The following AMPD1 variants were observed in gnomAD, a reference collection of about 807,000 sequenced individuals.
The protein encoded by AMPD1 is AMP deaminase 1.
Under a neutral mutation model 82.9 loss-of-function variants are expected in AMPD1, and 74 were observed. The ratio of observed to expected loss-of-function variants is 0.89; its 90% CI spans 0.74 to 1.08. The LOEUF (loss-of-function observed/expected upper bound fraction) is 1.08, where lower values mean the gene tolerates loss of function less well. AMPD1 is among the 50% of genes least tolerant of loss of function. The pLI is 0.00. For synonymous variants in AMPD1, 333 were observed against 320.5 expected (o/e 1.04, Z -0.42); for missense variants, 881 against 924.5 (o/e 0.95, Z 0.61).
chr1:114,686,666 GAGA>G, intron 4 of AMPD1, 76 bp downstream of exon 4: 2 of 1,497,766 alleles, frequency 1.3e-6, no homozygotes, highest in Non-Finnish European at 1.9e-6. Context: ...CAACAGGAAA[GAGA>G]AGAAGGCAAG....
chr1:114,676,018 G>A lies in AMPD1; in HGVS notation c.1389-15C>T, dbSNP rs1212959384. 1 of 1,613,462 alleles carries A rather than the reference G, an allele frequency of 6.2e-7. No individual in the cohort carries two copies. Among genetic ancestry groups the A allele is most frequent in the South Asian group, 1.1e-5 (1 of 91,036 alleles). On this transcript the variant is annotated splice_polypyrimidine_tract_variant and intron_variant, in intron 10 of 15. Transcript: ENST00000520113. ...GGAACACATCACTAGAGGCAAGAAT[G>A]AAGAGAATTTAGGAGAAAAAAAGAT...
intron 9 of AMPD1, 136 bp from the exon 10 acceptor site, chr1:114,677,650 A>T: frequency 8.0e-7 from 1 of 1,257,086 alleles, no homozygotes; most frequent in East Asian, 2.5e-5. Flanking sequence ...TCAAAACCAC[A>T]CCCTTAATTT....
In AMPD1 at chr1:114,680,583, G is replaced by C. The variant is rs551978172; in HGVS notation, c.548-105C>G. 3.2e-6 allele frequency: 3 copies of C among 943,656 alleles called. No individual in the cohort carries two copies. The African/African-American group carries it at 4.9e-5, about 15-fold the overall frequency. The allele number at this position is 943,656 out of a possible 1,614,324, so 58.5% of individuals were successfully genotyped here. On this transcript the variant is annotated intron_variant, in intron 5 of 15. Transcript: ENST00000520113. ...ACAACATCTCATTAGCTTGGAATCC[G>C]GTACTTAAGTTGTAATTATCTGGAA...
rs189523160 is a variant in AMPD1, at chr1:114,689,821, A to T, written c.35-1080T>A. On this transcript the variant is annotated intron_variant, in intron 2 of 15. Transcript: ENST00000520113. ...GACAGAGCAAAACTCTATCTCAAAAAAGAAAAGAAAACCAGTGTCATCATA... is the reference window on the plus strand; with the variant it reads ...GACAGAGCAAAACTCTATCTCAAAATAGAAAAGAAAACCAGTGTCATCATA... 1.3e-3 allele frequency among the ~76,000 whole-genome samples: 194 copies of T among 152,294 alleles called. 1 individual carries two copies. Among genetic ancestry groups the T allele is most frequent in the African/African-American group, 4.5e-3 (188 of 41,574 alleles).
rs1156760290 is a variant in AMPD1, at chr1:114,675,647, T to C, written c.1562A>G (p.His521Arg). The C allele has an allele frequency of 3.7e-6, 6 of 1,614,110 alleles. No homozygotes were observed. Among genetic ancestry groups the C allele is most frequent in the Middle Eastern group, 1.6e-4 (1 of 6,084 alleles). Residue 521 changes from histidine (H) to arginine (R), a missense_variant, in exon 12 of 16, where the codon CAC becomes CGC. Physicochemically the swap from His to Arg is conservative, Grantham distance 29. Coordinates refer to ENST00000520113, the MANE Select transcript of AMPD1 (RefSeq NM_000036.3). ...CTTGGGACTCTTGGAGGAGAACATG[T>C]GGCCACTGTGTTTGGACTCATCATC... ...SVDDESKHSG[H>R]MFSSKSPKPQ... is the part of the protein sequence containing the mutation.
At chr1:114,692,959 C>T (rs1658557908) in intron 2 of AMPD1, among the ~76,000 whole-genome samples, 1 of 151,040 alleles carries the variant, frequency 6.6e-6, no homozygotes, top group Non-Finnish European at 1.5e-5. Context: ...ATGGTGAAAC[C>T]CTGTCTCTAC....
At chr1:114,674,167 A>C in intron 13 of AMPD1, 85 bp from the exon 14 acceptor site, 1 of 1,297,364 alleles carries the variant, frequency 7.7e-7, no homozygotes, top group East Asian at 2.5e-5. Context: ...GTCTGCCTTA[A>C]GCTTCAGCTT....
intron 8 of AMPD1, 73 bp downstream of exon 8, chr1:114,678,260 G>T: frequency 1.3e-6 from 2 of 1,557,188 alleles, no homozygotes; most frequent in Non-Finnish European, 1.8e-6. Context: ...CTCTGAGAAG[G>T]GAGGGCTTGT....
chr1:114,678,594 A>T, intron 7 of AMPD1, 67 bp from the exon 8 acceptor site: 1 of 1,439,056 alleles, frequency 6.9e-7, no homozygotes, highest in Non-Finnish European at 9.7e-7. Context: ...TGTTTAGAGG[A>T]TATGGTGCTG....
At chr1:114,684,979 G>C (rs2268698) in intron 4 of AMPD1, among the ~76,000 whole-genome samples, 17,615 of 152,166 alleles carry the variant, frequency 0.12, 1,505 homozygotes, top group East Asian at 0.48. Context: ...CTTTATTAGA[G>C]CTGCTGGAAA....
At chr1:114,687,590 C>T (rs976546516) in intron 3 of AMPD1, among the ~76,000 whole-genome samples, 4 of 151,436 alleles carry the variant, frequency 2.6e-5, no homozygotes, top group Non-Finnish European at 5.9e-5. Context: ...GGGGGGAGGA[C>T]CTAAGGAGGG....
intron 4 of AMPD1, among the ~76,000 whole-genome samples, chr1:114,685,635 A>G (rs1658292306): frequency 1.3e-5 from 2 of 152,270 alleles, no homozygotes; most frequent in East Asian, 3.9e-4. Context: ...TGACTTGTGT[A>G]CATTTTGTTC....
intron 2 of AMPD1, among the ~76,000 whole-genome samples, chr1:114,692,029 T>C (rs911949152): frequency 6.6e-6 from 1 of 152,252 alleles, no homozygotes; most frequent in African/African-American, 2.4e-5. Flanking sequence ...GTGTTCATCA[T>C]CATAAAGGGG....
intron 3 of AMPD1, 140 bp from the exon 4 acceptor site, chr1:114,687,050 T>C (rs927796660): frequency 1.1e-6 from 1 of 880,612 alleles, no homozygotes; most frequent in African/African-American, 1.7e-5. Flanking sequence ...AGAAACAGGA[T>C]CCAAGCATAG....
chr1:114,679,736 A>G (rs758792942), intron 6 of AMPD1, 28 bp from the exon 7 acceptor site: 2 of 1,613,656 alleles, frequency 1.2e-6, no homozygotes, highest in Non-Finnish European at 1.7e-6. Context: ...ACATAATTCC[A>G]AAAAGTTTCA....
rs369963978 is a variant in AMPD1 at position 114,684,322 on chromosome 1, G to A, written c.424C>T (p.Arg142Trp). 143 of 1,613,274 alleles carry A rather than the reference G, an allele frequency of 8.9e-5. No homozygotes were observed. The highest frequency in any genetic ancestry group is 4.7e-4 in the Admixed American group (28 of 59,892). Reference protein sequence around the residue: ...DFEIVCKGLYRALCIREKYMQ... With the variant: ...DFEIVCKGLYWALCIREKYMQ... ...TATTTCTCACGTATGCATAGTGCCC[G>A]ATACAGACCTTTGCAAACAATTTCA... The change falls in exon 5 of 16, where the codon CGG becomes TGG. Residue 142 changes from arginine (R) to tryptophan (W), a missense_variant. Arg to Trp is a moderately radical substitution (Grantham distance 101, BLOSUM62 -3). Transcript: ENST00000520113.
intron 10 of AMPD1, 137 bp downstream of exon 10, chr1:114,677,214 G>C: frequency 8.5e-7 from 1 of 1,175,688 alleles, no homozygotes; most frequent in African/African-American, 1.5e-5. Flanking sequence ...AACCAAGCAT[G>C]CAGGACCCGA....
At chr1:114,677,626 G>A in intron 9 of AMPD1, 112 bp from the exon 10 acceptor site, 2 of 1,438,412 alleles carry the variant, frequency 1.4e-6, no homozygotes, top group Non-Finnish European at 1.9e-6. Flanking sequence ...AAAAGGCTAG[G>A]TCCTTAATCA....
At chr1:114,683,242 G>C in intron 5 of AMPD1, 1 of 368,782 alleles carries the variant, frequency 2.7e-6, no homozygotes, top group Non-Finnish European at 5.3e-6. Context: ...CCTCTTGAAA[G>C]ATTGGGTTGG....
Sources: gnomAD v4.1 joint callset for allele counts (sites outside exome capture counted in the v4.1 genomes callset) on GRCh38, gnomAD v4.1.1 for gene constraint, MANE v1.5 for transcripts, NCBI Gene and HGNC (gene_info 2026-07-23, HGNC 2026-07-21) for gene names.